The following ATP8A2 variants were observed in gnomAD, a reference collection of about 807,000 sequenced individuals.
ATP8A2 encodes phospholipid-transporting ATPase IB.
In ATP8A2, 100 loss-of-function variants were observed where a neutral mutation model predicts 165.6. The ratio of observed to expected loss-of-function variants is 0.60; its 90% CI spans 0.51 to 0.71. The LOEUF (loss-of-function observed/expected upper bound fraction) is 0.71. Ranked by LOEUF, ATP8A2 falls within the 30% of genes least tolerant of loss-of-function variation. The pLI, the probability that ATP8A2 is intolerant of heterozygous loss-of-function variation, is 0.00. For synonymous variants in ATP8A2, 543 were observed against 548.8 expected, an observed-to-expected ratio of 0.99 and a Z score of 0.15; for missense variants, 1,227 against 1,479.5, an observed-to-expected ratio of 0.83 and a Z score of 2.80.
At chr13:25,876,414 G>A (rs1319147771) in intron 33 of ATP8A2, among the ~76,000 whole-genome samples, 1 of 152,176 alleles carries the variant, frequency 6.6e-6, no homozygotes. Flanking sequence ...GCAGAACTGG[G>A]GAAAGGAGAG....
chr13:25,923,976 A>G (rs1218907409), intron 33 of ATP8A2, among the ~76,000 whole-genome samples: 1 of 152,200 alleles, frequency 6.6e-6, no homozygotes, highest in Non-Finnish European at 1.5e-5. Context: ...TTTCATCATT[A>G]TCAAAGGATA....
chr13:25,768,970 T>A, intron 25 of ATP8A2, 76 bp from the exon 26 acceptor site: 1 of 1,360,132 alleles, frequency 7.4e-7, no homozygotes, highest in East Asian at 2.3e-5. Context: ...GTCCTTTTAA[T>A]GCAGCGGAAT....
intron 25 of ATP8A2, among the ~76,000 whole-genome samples, chr13:25,718,150 G>A (rs1213518996): frequency 6.6e-6 from 1 of 151,970 alleles, no homozygotes; most frequent in Non-Finnish European, 1.5e-5. Flanking sequence ...TGTGTGGCGT[G>A]GTGGCCTTTT....
intron 6 of ATP8A2, among the ~76,000 whole-genome samples, chr13:25,535,886 C>A (rs1251288822): frequency 6.6e-6 from 1 of 151,624 alleles, no homozygotes; most frequent in Non-Finnish European, 1.5e-5. Flanking sequence ...TTCTTATGTA[C>A]ACAAAACTTC....
At chr13:25,439,729 T>C (rs954370699) in intron 1 of ATP8A2, among the ~76,000 whole-genome samples, 4 of 151,894 alleles carry the variant, frequency 2.6e-5, no homozygotes, top group Non-Finnish European at 4.4e-5. Flanking sequence ...CTGGGAAACA[T>C]TGTGAGACTG....
At chr13:25,944,098 A>C (rs1455677611) in intron 33 of ATP8A2, among the ~76,000 whole-genome samples, 1 of 152,168 alleles carries the variant, frequency 6.6e-6, no homozygotes, top group African/African-American at 2.4e-5. Context: ...GGACTATACA[A>C]ATTTAAAGGC....
intron 33 of ATP8A2, among the ~76,000 whole-genome samples, chr13:25,920,875 G>A (rs187571741): frequency 1.3e-4 from 20 of 152,146 alleles, no homozygotes; most frequent in African/African-American, 4.6e-4. Context: ...CCAGGAGTTC[G>A]AGACCAGCCT....
In ATP8A2 at chr13:25,424,289, T is replaced by C. The variant is rs2034381256; in HGVS notation, c.77-44688T>C. Among the ~76,000 whole-genome samples, 3 of 152,344 alleles carry C rather than the reference T, an allele frequency of 2.0e-5. No individual in the cohort carries two copies. In the South Asian group the frequency reaches 6.2e-4, roughly 32 times the overall value. ...TTCCACTCACCTGCTTGGCCCAATA[T>C]CCATTCTTCCCATTCTTGTGTCCTT... On this transcript the variant is annotated intron_variant, in intron 1 of 36. Coordinates refer to ENST00000381655, the MANE Select transcript of ATP8A2 (RefSeq NM_016529.6).
chr13:25,967,586 A>T (rs1467881536), intron 34 of ATP8A2, among the ~76,000 whole-genome samples: 3 of 152,162 alleles, frequency 2.0e-5, no homozygotes, highest in Non-Finnish European at 2.9e-5. Flanking sequence ...ACATAGCAGG[A>T]TCCTCACATG....
In ATP8A2 at chr13:25,953,596, C is replaced by G. The variant is rs1955437019; in HGVS notation, c.3184-7979C>G. On this transcript the variant is annotated intron_variant, in intron 33 of 36. Transcript: ENST00000381655. The surrounding 1 kb of genome is among the most constrained non-coding windows in gnomAD (Gnocchi z 6.7). ...AAATAGGAACAGCTCCAGTCTGTAG[C>G]TCCCAGGGAGATCAAGGCAGACAGC... 6.7e-6 allele frequency among the ~76,000 whole-genome samples: 1 copy of G among 149,358 alleles called. No individual in the cohort carries two copies. The highest frequency in any genetic ancestry group is 2.1e-4 in the South Asian group (1 of 4,664).
In ATP8A2 at chr13:25,860,274, T is replaced by C; in HGVS notation, c.3018+18T>C. On this transcript the variant is annotated intron_variant, in intron 31 of 36. Transcript: ENST00000381655. ...TTTACACAGTAAGTTTATCTCTGTT[T>C]ATTAAGCCATTCTTAAACAGCTTAT... The C allele has an allele frequency of 1.3e-6, 2 of 1,574,750 alleles. No individual in the cohort carries two copies. Among genetic ancestry groups the C allele is most frequent in the South Asian group, 1.1e-5 (1 of 89,374 alleles).
chr13:25,430,663 T>C (rs1344938884), intron 1 of ATP8A2, among the ~76,000 whole-genome samples: 1 of 152,166 alleles, frequency 6.6e-6, no homozygotes, highest in Non-Finnish European at 1.5e-5. Flanking sequence ...AGTGGCGAAA[T>C]CTCGGCTCGC....
chr13:25,790,497 G>A (rs1406131536), intron 27 of ATP8A2, among the ~76,000 whole-genome samples: 4 of 149,200 alleles, frequency 2.7e-5, no homozygotes, highest in African/African-American at 9.9e-5. Flanking sequence ...ACCAGCCTGG[G>A]AAACATGGCA....
chr13:25,888,739 A>C (rs1437857817), intron 33 of ATP8A2, among the ~76,000 whole-genome samples: 2 of 152,190 alleles, frequency 1.3e-5, no homozygotes, highest in Non-Finnish European at 2.9e-5. Context: ...CATGTCTGTA[A>C]TTCCAGCTAC....
intron 33 of ATP8A2, among the ~76,000 whole-genome samples, chr13:25,895,437 G>A (rs1953505989): frequency 6.6e-6 from 1 of 152,242 alleles, no homozygotes. Context: ...CGGTTTGCCA[G>A]TATTTTATTG....
At chr13:25,812,996 G>C (rs569408626) in intron 27 of ATP8A2, among the ~76,000 whole-genome samples, 1 of 151,992 alleles carries the variant, frequency 6.6e-6, no homozygotes, top group Non-Finnish European at 1.5e-5. Context: ...ACCAAACACC[G>C]CATGGGGAGC....
rs1369008479 is a variant in ATP8A2, at chr13:25,860,658, G to A, written c.3019-146G>A. On this transcript the variant is annotated intron_variant, in intron 31 of 36. Coordinates refer to ENST00000381655, the MANE Select transcript of ATP8A2 (RefSeq NM_016529.6). The stretch of plus-strand genomic sequence containing the variant: ...ATGTCCCCTGAAAATAACCCTTAGA[G>A]AATTAGCTACTGACATGGCTGGTGC... 3 of 651,014 alleles carry A rather than the reference G, an allele frequency of 4.6e-6. No homozygotes were observed. The African/African-American group carries it at 5.5e-5, about 12-fold the overall frequency. The allele number at this position is 651,014 out of a possible 1,614,324, so 40.3% of individuals were successfully genotyped here.
Position 25,699,400 on chromosome 13 carries a change from C to T in ATP8A2, c.2384+55C>T, listed in dbSNP as rs2296003. 0.91 allele frequency: 1,210,967 copies of T among 1,336,548 alleles called. 551,607 individuals are homozygous for T. Among genetic ancestry groups the T allele is most frequent in the Non-Finnish European group, 0.93 (934,806 of 1,008,058 alleles). The allele number at this position is 1,336,548 out of a possible 1,614,324, so 82.8% of individuals were successfully genotyped here. On this transcript the variant is annotated intron_variant, in intron 25 of 36. Transcript: ENST00000381655. ...CACTCTGCTGTGTCTGTATCCCGTG[C>T]TTATACAAAAGAAAGGGATGCATGG...
intron 33 of ATP8A2, among the ~76,000 whole-genome samples, chr13:25,883,798 A>G (rs1953054105): frequency 6.6e-6 from 1 of 152,154 alleles, no homozygotes; most frequent in Admixed American, 6.5e-5. Flanking sequence ...CACTGCCTGA[A>G]GCATGTGTGG....
Sources: allele counts gnomAD v4.1 joint callset (sites outside exome capture counted in the v4.1 genomes callset), GRCh38; gene constraint gnomAD v4.1.1; non-coding constraint Gnocchi (gnomAD v3.1); transcripts MANE v1.5; gene names NCBI Gene and HGNC (gene_info 2026-07-23, HGNC 2026-07-21).